The following LEKR1 variants were observed in gnomAD, a reference collection of about 807,000 sequenced individuals.
The protein encoded by LEKR1 is leucine, glutamate and lysine rich 1, also known as protein LEKR1.
In LEKR1, 59 loss-of-function variants were observed where a neutral mutation model predicts 72.4. The observed-to-expected ratio is 0.82, with a 90% CI of 0.66 to 1.01. The LOEUF (loss-of-function observed/expected upper bound fraction) is 1.01, where lower values mean the gene tolerates loss of function less well. LEKR1 is among the 50% of genes least tolerant of loss of function. LEKR1 has a pLI of 0.00. For synonymous variants in LEKR1, 257 were observed against 263.2 expected (o/e 0.98, Z 0.23); for missense variants, 728 against 759.2 (o/e 0.96, Z 0.48).
chr3:157,022,855 C>G (rs1733939352), intron 10 of LEKR1, among the ~76,000 whole-genome samples: 1 of 152,118 alleles, frequency 6.6e-6, no homozygotes, highest in African/African-American at 2.4e-5. Flanking sequence ...CATCAGTAGC[C>G]TATTATCCCA....
Position 156,996,980 on chromosome 3 carries a change from G to A in LEKR1, c.1109+3703G>A, listed in dbSNP as rs9866491. On this transcript the variant is annotated intron_variant, in intron 9 of 12. Transcript: ENST00000356539. Reference sequence around the variant, plus strand: ...CTTGGGAGGCTGAGGCAGGAGAATCGTCTGAACCTGGGAGGCGGAGGTTGC... The same window carrying A: ...CTTGGGAGGCTGAGGCAGGAGAATCATCTGAACCTGGGAGGCGGAGGTTGC... Among the ~76,000 whole-genome samples the A allele has an allele frequency of 1.4e-3, 212 of 151,804 alleles. 1 individual carries two copies. Among genetic ancestry groups the A allele is most frequent in the African/African-American group, 4.9e-3 (203 of 41,374 alleles).
intron 12 of LEKR1, among the ~76,000 whole-genome samples, chr3:157,039,211 C>T (rs1004265857): frequency 1.3e-5 from 2 of 152,318 alleles, no homozygotes; most frequent in African/African-American, 2.4e-5. Context: ...TTACTTCTTA[C>T]ATACTTTTTA....
intron 6 of LEKR1, among the ~76,000 whole-genome samples, chr3:156,952,400 A>G (rs189541709): frequency 2.0e-5 from 3 of 151,606 alleles, no homozygotes; most frequent in Admixed American, 6.6e-5. Context: ...TAATGTATAA[A>G]TGATAGATTC....
At chr3:156,836,759 G>A (rs932008403) in intron 2 of LEKR1, among the ~76,000 whole-genome samples, 1 of 152,166 alleles carries the variant, frequency 6.6e-6, no homozygotes, top group African/African-American at 2.4e-5. Context: ...GAAAATTCAA[G>A]ACAGGAAATC....
At chr3:156,846,855 C>T (rs1714667263) in intron 2 of LEKR1, among the ~76,000 whole-genome samples, 1 of 151,862 alleles carries the variant, frequency 6.6e-6, no homozygotes, top group Non-Finnish European at 1.5e-5. Context: ...CTCTGTTGCC[C>T]AGGCTGGAGT....
chr3:156,988,663 C>T (rs762882101), intron 7 of LEKR1: 1 of 238,108 alleles, frequency 4.2e-6, no homozygotes, highest in Non-Finnish European at 9.3e-6. Context: ...TGCCTCTGCA[C>T]CCAGCTTCAG....
At chr3:156,873,618 G>T (rs1462760315) in intron 3 of LEKR1, among the ~76,000 whole-genome samples, 1 of 151,728 alleles carries the variant, frequency 6.6e-6, no homozygotes, top group Non-Finnish European at 1.5e-5. Flanking sequence ...TTTCATGGTG[G>T]TATTTATTGT....
intron 12 of LEKR1, among the ~76,000 whole-genome samples, chr3:157,033,199 A>T (rs910914555): frequency 2.6e-5 from 4 of 152,204 alleles, no homozygotes; most frequent in African/African-American, 9.6e-5. Context: ...GCTCCTAAGC[A>T]TTCAAGTGAA....
At chr3:157,036,424 TG>T (rs1734973569) in intron 12 of LEKR1, among the ~76,000 whole-genome samples, 1 of 152,144 alleles carries the variant, frequency 6.6e-6, no homozygotes, top group South Asian at 2.1e-4. Flanking sequence ...TAGAAGACAG[TG>T]CCTTCCAAAT....
chr3:156,970,807 G>A (rs1469603177), intron 6 of LEKR1, among the ~76,000 whole-genome samples: 1 of 152,100 alleles, frequency 6.6e-6, no homozygotes, highest in Non-Finnish European at 1.5e-5. Flanking sequence ...TCTTCAAGGA[G>A]AATTACAAAC....
intron 6 of LEKR1, 113 bp downstream of exon 6, chr3:156,942,827 C>T (rs944163976): frequency 9.9e-6 from 4 of 404,658 alleles, no homozygotes; most frequent in African/African-American, 9.1e-5. Flanking sequence ...TTTTGAGTTG[C>T]AAATATGCCT....
chr3:156,928,487 A>G (rs1165835733), intron 5 of LEKR1, among the ~76,000 whole-genome samples: 3 of 152,042 alleles, frequency 2.0e-5, no homozygotes, highest in Admixed American at 1.3e-4. Flanking sequence ...TTAATGTTGA[A>G]AAATGCATGG....
intron 3 of LEKR1, among the ~76,000 whole-genome samples, chr3:156,915,012 C>T (rs1350375412): frequency 6.6e-6 from 1 of 152,080 alleles, no homozygotes; most frequent in Non-Finnish European, 1.5e-5. Flanking sequence ...CATCATTTGG[C>T]TCCCACTTAT....
At chr3:156,944,162 T>C (rs1246074210) in intron 6 of LEKR1, among the ~76,000 whole-genome samples, 1 of 151,748 alleles carries the variant, frequency 6.6e-6, no homozygotes, top group South Asian at 2.1e-4. Flanking sequence ...TCCTAGATAG[T>C]ACATACAGTA....
chr3:156,956,743 A>G (rs1727672308), intron 6 of LEKR1, among the ~76,000 whole-genome samples: 1 of 151,968 alleles, frequency 6.6e-6, no homozygotes. Context: ...CAACCTAAAA[A>G]CAGCAGACTG....
At chr3:156,832,896 T>C (rs1231154369) in intron 2 of LEKR1, among the ~76,000 whole-genome samples, 1 of 152,184 alleles carries the variant, frequency 6.6e-6, no homozygotes, top group Non-Finnish European at 1.5e-5. Flanking sequence ...TCCAGTTGTG[T>C]CCTGTTGCAA....
At chr3:156,898,581 T>C (rs1004574880) in intron 3 of LEKR1, among the ~76,000 whole-genome samples, 3 of 152,138 alleles carry the variant, frequency 2.0e-5, no homozygotes, top group African/African-American at 7.2e-5. Context: ...CTGTTGTTTA[T>C]AAACCATCCA....
intron 6 of LEKR1, among the ~76,000 whole-genome samples, chr3:156,958,051 A>AACCAAGAG (rs1727806770): frequency 6.6e-6 from 1 of 152,216 alleles, no homozygotes; most frequent in African/African-American, 2.4e-5. Context: ...GAAATCATTT[A>AACCAAGAG]AAATTAATAA....
chr3:156,917,145 A>G (rs896927620), intron 3 of LEKR1, among the ~76,000 whole-genome samples: 4 of 152,150 alleles, frequency 2.6e-5, no homozygotes, highest in Admixed American at 6.5e-5. Context: ...TTTGGTAGTT[A>G]GAATGTGATA....
Sources: gnomAD v4.1 joint callset for allele counts (sites outside exome capture counted in the v4.1 genomes callset) on GRCh38, gnomAD v4.1.1 for gene constraint, MANE v1.5 for transcripts, NCBI Gene and HGNC (gene_info 2026-07-23, HGNC 2026-07-21) for gene names.